LAMA2: variants seen among roughly 807,000 people sequenced by gnomAD.
The protein encoded by LAMA2 is laminin subunit alpha 2, also known as laminin subunit alpha-2.
In LAMA2, 269 loss-of-function variants were observed where a neutral mutation model predicts 364.8. The observed-to-expected ratio is 0.74, with a 90% confidence interval of 0.67 to 0.82. The LOEUF (loss-of-function observed/expected upper bound fraction) is 0.82. Ranked by LOEUF, LAMA2 falls within the 40% of genes least tolerant of loss-of-function variation. LAMA2 has a pLI of 0.00. For synonymous variants in LAMA2, 1,379 were observed against 1,370.6 expected (o/e 1.01, Z -0.14); for missense variants, 3,807 against 3,873.2 (o/e 0.98, Z 0.45).
intron 8 of LAMA2, among the ~76,000 whole-genome samples, chr6:129,159,820 G>A (rs1303731130): frequency 1.3e-5 from 2 of 152,076 alleles, no homozygotes; most frequent in Non-Finnish European, 2.9e-5. Flanking sequence ...AAATGGTTTT[G>A]CATTTTGTCA....
At chr6:129,036,048 G>T (rs1429281878) in intron 1 of LAMA2, among the ~76,000 whole-genome samples, 2 of 152,064 alleles carry the variant, frequency 1.3e-5, no homozygotes, top group Admixed American at 6.6e-5. Flanking sequence ...GATAGGGATT[G>T]CACTGAATCT....
rs1255757467 is a variant in LAMA2 at position 129,473,426 on chromosome 6, G to A, written c.7439+74G>A. The A allele has an allele frequency of 5.0e-6, 7 of 1,402,478 alleles. No individual in the cohort carries two copies. In the Admixed American group the frequency reaches 1.0e-4, roughly 20 times the overall value. The allele number at this position is 1,402,478 out of a possible 1,614,324, so 86.9% of individuals were successfully genotyped here. On this transcript the variant is annotated intron_variant, in intron 52 of 64. Transcript: ENST00000421865. ...CCACTATGCTCACTAGAGTTCTGAA[G>A]TTTAATTACAATAAGAATGTCATAT...
At chr6:128,925,528 A>G (rs927931238) in intron 1 of LAMA2, among the ~76,000 whole-genome samples, 1 of 152,180 alleles carries the variant, frequency 6.6e-6, no homozygotes, top group African/African-American at 2.4e-5. Context: ...GTTATTATTT[A>G]ATGAGTACCG....
chr6:129,488,137 G>A (rs528418922), intron 56 of LAMA2, among the ~76,000 whole-genome samples: 13 of 152,006 alleles, frequency 8.6e-5, no homozygotes, highest in East Asian at 1.9e-4. Flanking sequence ...GTGAAACCCC[G>A]TCTCTACTAA....
intron 12 of LAMA2, among the ~76,000 whole-genome samples, chr6:129,219,932 C>T (rs1175297885): frequency 2.0e-5 from 3 of 150,990 alleles, no homozygotes; most frequent in Non-Finnish European, 4.4e-5. Context: ...AACTAACTGG[C>T]ACATGGTGCA....
intron 1 of LAMA2, among the ~76,000 whole-genome samples, chr6:128,944,180 G>T (rs1387150028): frequency 3.3e-5 from 5 of 152,134 alleles, no homozygotes; most frequent in Admixed American, 2.6e-4. Flanking sequence ...AATAGTCTAT[G>T]GTTCACCTGA....
At chr6:129,302,580 T>C (rs1773614480) in intron 22 of LAMA2, among the ~76,000 whole-genome samples, 2 of 152,114 alleles carry the variant, frequency 1.3e-5, no homozygotes, top group South Asian at 4.1e-4. Flanking sequence ...CCATGTTTTC[T>C]TCAAGAAGTT....
At chr6:129,314,588 A>T (rs1259703370) in intron 23 of LAMA2, 67 bp from the exon 24 acceptor site, 3 of 1,487,848 alleles carry the variant, frequency 2.0e-6, no homozygotes, top group African/African-American at 2.8e-5. Context: ...CCCGTTATGC[A>T]TTCTCAGGGT....
At chr6:128,889,976 G>C (rs1029426939) in intron 1 of LAMA2, among the ~76,000 whole-genome samples, 10 of 152,112 alleles carry the variant, frequency 6.6e-5, no homozygotes, top group Admixed American at 6.6e-5. Flanking sequence ...GCCTAATCTA[G>C]TTCAAACAAC....
chr6:129,140,190 A>G (rs1778042330), intron 4 of LAMA2, among the ~76,000 whole-genome samples: 1 of 152,150 alleles, frequency 6.6e-6, no homozygotes, highest in Non-Finnish European at 1.5e-5. Context: ...AATGTATTCT[A>G]AAATAAAAAT....
chr6:129,103,487 C>T (rs576617574), intron 4 of LAMA2, among the ~76,000 whole-genome samples: 53 of 152,202 alleles, frequency 3.5e-4, no homozygotes, highest in Admixed American at 7.9e-4. Flanking sequence ...ATTCATTTTA[C>T]CAATTTCATT....
At position 128,917,734 on chromosome 6, in the gene LAMA2, CT is replaced by C. The variant is rs147581913; in HGVS notation, c.112+34394del. 6.0e-3 allele frequency among the ~76,000 whole-genome samples: 666 copies of C among 111,672 alleles called. 6 individuals are homozygous for C. Among genetic ancestry groups the C allele is most frequent in the African/African-American group, 0.023 (620 of 27,534 alleles). 73.3% of individuals were successfully genotyped at this position (111,672 alleles called of 152,430 possible). A position where few individuals can be genotyped will look rare whatever the true frequency, so the allele number is the denominator to read the frequency against. On this transcript the variant is annotated intron_variant, in intron 1 of 64. Transcript: ENST00000421865. ...TCTTTCTTTCTTTCTTTCTTTCTTT[CT>C]TTTTTTTTTTTTTTTTGAGACAGGC...
chr6:128,901,435 G>C (rs1473410361), intron 1 of LAMA2, among the ~76,000 whole-genome samples: 2 of 152,108 alleles, frequency 1.3e-5, no homozygotes, highest in Non-Finnish European at 2.9e-5. Context: ...TTCATTTTAA[G>C]AAATGATCCC....
intron 42 of LAMA2, among the ~76,000 whole-genome samples, chr6:129,439,284 C>A (rs2114762276): frequency 6.6e-6 from 1 of 151,974 alleles, no homozygotes; most frequent in South Asian, 2.1e-4. Flanking sequence ...CAGACACAAC[C>A]ATTTTTTCCC....
chr6:128,915,244 G>T (rs570982699), intron 1 of LAMA2, among the ~76,000 whole-genome samples: 2 of 152,256 alleles, frequency 1.3e-5, no homozygotes, highest in East Asian at 3.9e-4. Flanking sequence ...CTCAGACATT[G>T]ACATAAACAA....
intron 1 of LAMA2, among the ~76,000 whole-genome samples, chr6:129,026,069 T>C (rs761780740): frequency 6.6e-5 from 10 of 152,172 alleles, no homozygotes; most frequent in Non-Finnish European, 1.2e-4. Flanking sequence ...ACCTCATCAG[T>C]AAAATGCCCT....
At chr6:129,124,414 T>A (rs991518081) in intron 4 of LAMA2, among the ~76,000 whole-genome samples, 1 of 152,130 alleles carries the variant, frequency 6.6e-6, no homozygotes, top group Non-Finnish European at 1.5e-5. Context: ...TTACCACCCA[T>A]AAGAAAAGAT....
intron 1 of LAMA2, among the ~76,000 whole-genome samples, chr6:128,961,282 T>A (rs1469042291): frequency 7.6e-6 from 1 of 132,304 alleles, no homozygotes; most frequent in Non-Finnish European, 1.6e-5. Flanking sequence ...CCCTAGAGAA[T>A]TGTATTAGGG....
chr6:129,227,232 C>T (rs147901774), intron 12 of LAMA2, among the ~76,000 whole-genome samples: 564 of 152,210 alleles, frequency 3.7e-3, no homozygotes, highest in Non-Finnish European at 6.1e-3. Flanking sequence ...AGCCATTTGT[C>T]CTATCTTTTT....
Sources: gnomAD v4.1 joint callset for allele counts (sites outside exome capture counted in the v4.1 genomes callset) on GRCh38, gnomAD v4.1.1 for gene constraint, MANE v1.5 for transcripts, NCBI Gene and HGNC (gene_info 2026-07-23, HGNC 2026-07-21) for gene names.